RAD50: variants seen among roughly 807,000 people sequenced by gnomAD.
RAD50 encodes DNA repair protein RAD50.
A neutral mutation model predicts 168.8 loss-of-function variants in RAD50; 132 were observed. The ratio of observed to expected loss-of-function variants is 0.78; its 90% CI spans 0.68 to 0.90. The LOEUF is 0.90. Ranked by LOEUF, RAD50 falls within the 40% of genes least tolerant of loss-of-function variation. The pLI, the probability that RAD50 is intolerant of heterozygous loss-of-function variation, is 0.00. For synonymous variants in RAD50, 525 were observed against 497.4 expected, an observed-to-expected ratio of 1.06 and a Z score of -0.74; for missense variants, 1,347 against 1,534.4, an observed-to-expected ratio of 0.88 and a Z score of 2.04.
At position 132,604,655 on chromosome 5, in the gene RAD50, G is replaced by T. The variant is rs542218272; in HGVS notation, c.2525-151G>T. 158 of 686,802 alleles carry T rather than the reference G, an allele frequency of 2.3e-4. 1 individual carries two copies. The East Asian group carries it at 3.9e-3, about 17-fold the overall frequency. 42.5% of individuals were successfully genotyped at this position (686,802 alleles called of 1,614,324 possible). ...GAACATCAAGCTGATTTGAGAACTA[G>T]CAGGGTTCTCATTGTATTTTTGTTG... On this transcript the variant is annotated intron_variant, in intron 15 of 24. Transcript: ENST00000378823.
At chr5:132,591,752 T>A (rs1750703415) in intron 10 of RAD50, 125 bp from the exon 11 acceptor site, 1 of 749,286 alleles carries the variant, frequency 1.3e-6, no homozygotes, top group African/African-American at 1.8e-5. Context: ...AGAAATTTTA[T>A]ATTTTATTTT....
rs1257718478 is a variant in RAD50, at chr5:132,591,932, C to T, written c.1691C>T (p.Thr564Ile). 1.9e-6 allele frequency: 3 copies of T among 1,609,154 alleles called. No individual in the cohort carries two copies. Among genetic ancestry groups the T allele is most frequent in the South Asian group, 2.2e-5 (2 of 90,956 alleles). The change falls in exon 11 of 25, where the codon ACC becomes ATC. Residue 564 changes from threonine (T) to isoleucine (I), a missense_variant. This residue lies in a region of RAD50 where 703 missense variants were observed against 767.7 expected (regional missense o/e 0.92). Transcript: ENST00000378823. ...AAATCTAGGCACAGTGATGAATTAA[C>T]CTCACTGTTGGGATATTTTCCCAAC... ...KIKSRHSDEL[T>I]SLLGYFPNKK...
chr5:132,638,577 T>G (rs1449214997), intron 23 of RAD50, among the ~76,000 whole-genome samples: 2 of 152,156 alleles, frequency 1.3e-5, no homozygotes, highest in African/African-American at 4.8e-5. Context: ...CCAGCAGGAA[T>G]GAAAAAATGC....
At chr5:132,623,521 G>A (rs1751320378) in intron 21 of RAD50, among the ~76,000 whole-genome samples, 1 of 152,148 alleles carries the variant, frequency 6.6e-6, no homozygotes, top group Non-Finnish European at 1.5e-5. Flanking sequence ...CCCAAGTTTA[G>A]TTTGTCTGTC....
intron 19 of RAD50, among the ~76,000 whole-genome samples, chr5:132,615,385 C>T (rs895853138): frequency 1.3e-5 from 2 of 152,152 alleles, no homozygotes; most frequent in Non-Finnish European, 2.9e-5. Flanking sequence ...ACTATTGTGG[C>T]ACTTCTTACT....
At chr5:132,560,638 A>G (rs146905310) in intron 2 of RAD50, among the ~76,000 whole-genome samples, 106 of 152,330 alleles carry the variant, frequency 7.0e-4, no homozygotes, top group African/African-American at 2.4e-3. Context: ...TCTTGGATAA[A>G]TTATTTGTTG....
At chr5:132,630,776 G>A (rs1305812919) in intron 21 of RAD50, 1 of 152,278 alleles carries the variant, frequency 6.6e-6, no homozygotes, top group Admixed American at 6.5e-5. Context: ...AGAGAATCCA[G>A]TCATGGGTTC....
At chr5:132,611,256 T>G (rs1751079854) in intron 19 of RAD50, among the ~76,000 whole-genome samples, 1 of 152,006 alleles carries the variant, frequency 6.6e-6, no homozygotes. Flanking sequence ...CCAGGTGTGG[T>G]GACACGCGCC....
chr5:132,579,810 A>T, intron 4 of RAD50, 52 bp from the exon 5 acceptor site: 5 of 1,419,248 alleles, frequency 3.5e-6, no homozygotes, highest in Non-Finnish European at 4.9e-6. Flanking sequence ...GTATGAATAT[A>T]TACCATAATT....
At chr5:132,638,861 C>A (rs531190074) in intron 23 of RAD50, among the ~76,000 whole-genome samples, 1 of 152,164 alleles carries the variant, frequency 6.6e-6, no homozygotes, top group Non-Finnish European at 1.5e-5. Context: ...CCTTGGGGAA[C>A]AAGGCTGGAT....
chr5:132,629,407 A>G lies in RAD50; in HGVS notation c.3390-7708A>G, dbSNP rs529284552. 3.5e-4 allele frequency among the ~76,000 whole-genome samples: 53 copies of G among 152,312 alleles called. No individual in the cohort carries two copies. In the Middle Eastern group the frequency reaches 0.031, roughly 88 times the overall value. On this transcript the variant is annotated intron_variant, in intron 21 of 24. Coordinates refer to ENST00000378823, the MANE Select transcript of RAD50 (RefSeq NM_005732.4). ...CCTCAGTCACAGAGGCATGCTGAGC[A>G]GAATGAGGACCTATGAGGGAGCTTG... is the stretch of plus-strand genomic sequence containing the variant.
intron 21 of RAD50, among the ~76,000 whole-genome samples, chr5:132,626,588 A>G (rs1195044440): frequency 1.3e-5 from 2 of 152,212 alleles, no homozygotes; most frequent in Admixed American, 1.3e-4. Context: ...TAAATTCTCT[A>G]TTCTTTAATA....
intron 2 of RAD50, among the ~76,000 whole-genome samples, chr5:132,572,522 T>TAATG (rs796483058): frequency 1.3e-5 from 2 of 152,042 alleles, no homozygotes; most frequent in African/African-American, 4.8e-5. Context: ...CCGTGCCAGC[T>TAATG]AATGAAAAGA....
At chr5:132,579,559 A>G (rs545786379) in intron 4 of RAD50, 57 bp downstream of exon 4, 7 of 1,528,428 alleles carry the variant, frequency 4.6e-6, no homozygotes, top group Admixed American at 1.7e-5. Flanking sequence ...TGTGTTTGCA[A>G]TTTGGATGCT....
chr5:132,633,098 CT>C (rs34616055), intron 21 of RAD50, among the ~76,000 whole-genome samples: 5,674 of 112,898 alleles, frequency 0.05, 134 homozygotes, highest in African/African-American at 0.19. Flanking sequence ...TTCGTTTTTT[CT>C]TTTTTTTTTT....
chr5:132,559,997 A>G (rs1032834956), intron 2 of RAD50, among the ~76,000 whole-genome samples: 1 of 152,100 alleles, frequency 6.6e-6, no homozygotes, highest in African/African-American at 2.4e-5. Flanking sequence ...TGTGTAAAGG[A>G]CATAGAATTT....
chr5:132,568,381 C>T (rs1468166663), intron 2 of RAD50, among the ~76,000 whole-genome samples: 2 of 151,962 alleles, frequency 1.3e-5, no homozygotes, highest in Non-Finnish European at 2.9e-5. Context: ...CGACGCCCGA[C>T]CGGATTTTTT....
chr5:132,641,663 A>G (rs1023719951), intron 24 of RAD50: 4 of 158,840 alleles, frequency 2.5e-5, no homozygotes, highest in African/African-American at 9.6e-5. Context: ...CCTGTGTGTC[A>G]TAGTAATGAT....
At position 132,588,768 on chromosome 5, in the gene RAD50, T is replaced by C. The variant is rs1328562388; in HGVS notation, c.1133T>C (p.Leu378Pro). 1.2e-6 allele frequency: 2 copies of C among 1,613,842 alleles called. No individual in the cohort carries two copies. Among genetic ancestry groups the C allele is most frequent in the Non-Finnish European group, 1.7e-6 (2 of 1,179,854 alleles). The stretch of plus-strand genomic sequence containing the variant: ...TTAATTCAGTCTTTGGCAACACAGC[T>C]AGAATTGGATGGCTTTGAGCGTGGA... ...DSLIQSLATQ[L>P]ELDGFERGPF... Residue 378 changes from leucine to proline, a missense_variant, in exon 8 of 25, where the codon CTA (leucine) becomes CCA (proline). Coordinates refer to ENST00000378823, the MANE Select transcript of RAD50 (RefSeq NM_005732.4).
Sources: allele counts gnomAD v4.1 joint callset (sites outside exome capture counted in the v4.1 genomes callset), GRCh38; gene constraint gnomAD v4.1.1; regional missense constraint gnomAD v4.1.1; transcripts MANE v1.5; gene names NCBI Gene and HGNC (gene_info 2026-07-23, HGNC 2026-07-21).